Variants in USB1 observed in about 807,000 individuals in gnomAD.
The protein encoded by USB1 is U6 snRNA phosphodiesterase 1.
A neutral mutation model predicts 29.9 loss-of-function variants in USB1; 21 were observed. The ratio of observed to expected loss-of-function variants is 0.70; its 90% CI spans 0.50 to 1.01. The LOEUF (loss-of-function observed/expected upper bound fraction) is 1.01, where lower values mean the gene tolerates loss of function less well. Among genes scored for constraint, USB1 ranks in the 50% least tolerant of loss-of-function variants. USB1 has a pLI of 0.00. For synonymous variants in USB1, 143 were observed against 134.9 expected (o/e 1.06, Z -0.42); for missense variants, 330 against 347.1 (o/e 0.95, Z 0.39).
chr16:58,000,554 G>T (rs1009915195), upstream of USB1: 1 of 150,246 alleles, frequency 6.7e-6, no homozygotes. The surrounding 1 kb of genome is among the most constrained non-coding windows in gnomAD (Gnocchi z 4.5). Context: ...ACCGGGGGCG[G>T]GGGACGGGCT....
In USB1 at chr16:58,014,330, G is replaced by A; in HGVS notation, c.503+4G>A. On this transcript the variant is annotated splice_donor_region_variant and intron_variant, in intron 4 of 6. Transcript: ENST00000219281. ...ACACCAATCAAGAGAAAACCAGGTG[G>A]GTCCTCCCAACCCCCAATCACCATC... The A allele has an allele frequency of 1.9e-6, 3 of 1,612,552 alleles. No individual in the cohort carries two copies. The highest frequency in any genetic ancestry group is 2.5e-6 in the Non-Finnish European group (3 of 1,178,752).
chr16:58,019,897 G>C (rs1403236009), intron 6 of USB1, among the ~76,000 whole-genome samples: 1 of 152,106 alleles, frequency 6.6e-6, no homozygotes, highest in African/African-American at 2.4e-5. Context: ...TCCCAGGCCT[G>C]GTTTTATTGG....
Position 58,001,562 on chromosome 16 carries a change from G to A in USB1, c.79G>A (p.Gly27Arg), listed in dbSNP as rs1388664778. ...ESEDGMRTRP[G>R]DGSHRRGQSP... Reference sequence around the variant, plus strand: ...CGAGGACGGGATGCGGACCAGGCCGGGGGATGGGAGCCACCGTCGGTGAGG... The same window carrying A: ...CGAGGACGGGATGCGGACCAGGCCGAGGGATGGGAGCCACCGTCGGTGAGG... Residue 27 changes from glycine to arginine, a missense_variant, in exon 1 of 7, where the codon GGG becomes AGG. Coordinates refer to ENST00000219281, the MANE Select transcript of USB1 (RefSeq NM_024598.4). The A allele has an allele frequency of 3.1e-6, 5 of 1,608,694 alleles. No homozygotes were observed. Among genetic ancestry groups the A allele is most frequent in the Non-Finnish European group, 4.2e-6 (5 of 1,178,100 alleles).
rs1323454139 is a variant in USB1 at position 58,001,425 on chromosome 16, C to T, written c.-59C>T. 5.8e-6 allele frequency: 9 copies of T among 1,548,296 alleles called. 1 individual carries two copies. In the South Asian group the frequency reaches 1.1e-4, roughly 18 times the overall value. ...GGAGGGCGCTTCCGGCACAGCGGAA[C>T]TCCGGGTGCCGGTTGAGGTTGCTGG... On this transcript the variant is annotated 5_prime_UTR_variant, in exon 1 of 7. Transcript: ENST00000219281.
At position 58,019,028 on chromosome 16, in the gene USB1, G is replaced by A; in HGVS notation, c.666G>A (p.Leu222=). ...AWCVGDARLQ[L]EGQCLQELQA... ...GTGTGGGTGATGCACGTCTCCAGCTGGAGGGGCAGTGCCTGCAGGAACTAC... is the reference window on the plus strand; with the variant it reads ...GTGTGGGTGATGCACGTCTCCAGCTAGAGGGGCAGTGCCTGCAGGAACTAC... Residue 222 remains leucine, a synonymous_variant, in exon 6 of 7, where the codon CTG becomes CTA. Coordinates refer to ENST00000219281, the MANE Select transcript of USB1 (RefSeq NM_024598.4). 1 of 1,614,198 alleles carries A rather than the reference G, an allele frequency of 6.2e-7. No individual in the cohort carries two copies. Among genetic ancestry groups the A allele is most frequent in the Non-Finnish European group, 8.5e-7 (1 of 1,180,034 alleles).
rs374559185 is a variant in USB1, at chr16:58,002,612, C to A, written c.232C>A (p.Arg78=). ...GGRVRTFPHE[R]GNWATHVYVP... is the part of the protein sequence containing the mutation. The stretch of plus-strand genomic sequence containing the variant: ...ACGGGTGCGCACCTTCCCCCACGAG[C>A]GAGGCAACTGGGCCACCCACGTCTA... Residue 78 remains arginine, a synonymous_variant, in exon 2 of 7, where the codon CGA becomes AGA. Coordinates refer to ENST00000219281, the MANE Select transcript of USB1 (RefSeq NM_024598.4). 1.2e-6 allele frequency: 2 copies of A among 1,613,798 alleles called. No individual in the cohort carries two copies. Among genetic ancestry groups the A allele is most frequent in the Non-Finnish European group, 1.7e-6 (2 of 1,180,018 alleles).
In USB1 at chr16:58,001,456, C is replaced by A; in HGVS notation, c.-28C>A. The A allele has an allele frequency of 6.3e-7, 1 of 1,579,148 alleles. No homozygotes were observed. On this transcript the variant is annotated 5_prime_UTR_variant, in exon 1 of 7. It adds an upstream start codon to the 5' untranslated region. Coordinates refer to ENST00000219281, the MANE Select transcript of USB1 (RefSeq NM_024598.4). The stretch of plus-strand genomic sequence containing the variant: ...GTGCCGGTTGAGGTTGCTGGTGGAC[C>A]TGCTCTGGTGGTCTTGGATGAGGCC...
In USB1 at chr16:58,013,259, A is replaced by C. The variant is rs1963539613; in HGVS notation, c.450-1014A>C. ...GGTTGGGCACAGACATCCAGTGTCCACTCCAGGATGTTTGGGAGACACCTT... is the reference window on the plus strand; with the variant it reads ...GGTTGGGCACAGACATCCAGTGTCCCCTCCAGGATGTTTGGGAGACACCTT... On this transcript the variant is annotated intron_variant, in intron 3 of 6. Transcript: ENST00000219281. This position sits in a 1 kb window ranked among gnomAD's most constrained non-coding sequence, Gnocchi z 4.3. The C allele has an allele frequency of 3.0e-6, 3 of 985,184 alleles. No individual in the cohort carries two copies. The highest frequency in any genetic ancestry group is 9.4e-5 in the South Asian group (2 of 21,278). The allele number at this position is 985,184 out of a possible 1,614,324, so 61.0% of individuals were successfully genotyped here.
intron 4 of USB1, among the ~76,000 whole-genome samples, chr16:58,014,568 AG>A (rs1188661411): frequency 6.6e-6 from 1 of 152,224 alleles, no homozygotes; most frequent in African/African-American, 2.4e-5. Flanking sequence ...GGATAGCTTG[AG>A]CTCAGGAGTT....
rs58782258 is a variant in USB1, at chr16:58,020,561, C to CCTCT, written c.*319_*322dup. The CCTCT allele has an allele frequency of 0.95, 335,436 of 351,802 alleles. 159,987 individuals are homozygous for CCTCT. Among genetic ancestry groups the CCTCT allele is most frequent in the East Asian group, 0.98 (14,696 of 15,012 alleles). 21.8% of individuals were successfully genotyped at this position (351,802 alleles called of 1,614,324 possible). ...CTTCCCCTCCTGTCTCTCCTCCCCT[C>CCTCT]CTCTCTTCCTCTCCTCTCTCTTCCT... On this transcript the variant is annotated 3_prime_UTR_variant, in exon 7 of 7. Transcript: ENST00000219281.
At chr16:58,005,126 T>C (rs996126635) in intron 2 of USB1, among the ~76,000 whole-genome samples, 3 of 152,194 alleles carry the variant, frequency 2.0e-5, no homozygotes, top group Non-Finnish European at 1.5e-5. Flanking sequence ...ATTTTGCTAC[T>C]GCTAGCTAAA....
intron 2 of USB1, among the ~76,000 whole-genome samples, chr16:58,003,203 T>G (rs1156847177): frequency 6.6e-6 from 1 of 152,180 alleles, no homozygotes; most frequent in African/African-American, 2.4e-5. Flanking sequence ...GGCAGGCAGA[T>G]CACTTGAGCC....
chr16:58,020,345 G>C lies in USB1; in HGVS notation c.*100G>C. 62 of 1,180,008 alleles carry C rather than the reference G, an allele frequency of 5.3e-5. No individual in the cohort carries two copies. The highest frequency in any genetic ancestry group is 1.9e-5 in the Admixed American group (1 of 51,640). The allele number at this position is 1,180,008 out of a possible 1,614,324, so 73.1% of individuals were successfully genotyped here. A position where few individuals can be genotyped will look rare whatever the true frequency, so the allele number is the denominator to read the frequency against. ...GATGCTTCTAGCCTCCCAGTAGGAG[G>C]CCCCAGCCATGCCTTCAACCTGGCA... On this transcript the variant is annotated 3_prime_UTR_variant, in exon 7 of 7. Coordinates refer to ENST00000219281, the MANE Select transcript of USB1 (RefSeq NM_024598.4).
chr16:58,001,250 C>A, upstream of USB1: 1 of 611,106 alleles, frequency 1.6e-6, no homozygotes, highest in Non-Finnish European at 2.9e-6. Flanking sequence ...GAGGTCCCAG[C>A]GGGGTGCCGG....
chr16:58,003,858 A>G (rs1054307289), intron 2 of USB1, among the ~76,000 whole-genome samples: 14 of 152,222 alleles, frequency 9.2e-5, no homozygotes, highest in East Asian at 1.9e-4. Flanking sequence ...TTTATCAGAT[A>G]CGTCTTTTGC....
rs1164690750 is a variant in USB1 at position 58,013,732 on chromosome 16, T to G, written c.450-541T>G. 1.7e-6 allele frequency: 1 copy of G among 591,730 alleles called. No homozygotes were observed. Among genetic ancestry groups the G allele is most frequent in the African/African-American group, 2.0e-5 (1 of 49,378 alleles). 36.7% of individuals were successfully genotyped at this position (591,730 alleles called of 1,614,324 possible). A position where few individuals can be genotyped will look rare whatever the true frequency, so the allele number is the denominator to read the frequency against. ...CTGTTCCAATCCTGGCTCACCAAATTCAGCTTCACCATGCCTCTGTTTCTT... is the reference window on the plus strand; with the variant it reads ...CTGTTCCAATCCTGGCTCACCAAATGCAGCTTCACCATGCCTCTGTTTCTT... On this transcript the variant is annotated intron_variant, in intron 3 of 6. Coordinates refer to ENST00000219281, the MANE Select transcript of USB1 (RefSeq NM_024598.4). The surrounding 1 kb of genome is among the most constrained non-coding windows in gnomAD (Gnocchi z 4.3).
chr16:58,004,761 C>G (rs1331329212), intron 2 of USB1, among the ~76,000 whole-genome samples: 1 of 152,112 alleles, frequency 6.6e-6, no homozygotes, highest in African/African-American at 2.4e-5. Context: ...GGGTCCAGCC[C>G]CACTGGGTCG....
chr16:58,006,674 A>T (rs945759048), intron 2 of USB1, among the ~76,000 whole-genome samples: 2 of 152,128 alleles, frequency 1.3e-5, no homozygotes, highest in African/African-American at 4.8e-5. Context: ...AAAAAAAAAG[A>T]AAAACAGGCT....
At chr16:58,010,188 A>G in intron 3 of USB1, 76 bp downstream of exon 3, 1 of 1,575,122 alleles carries the variant, frequency 6.3e-7, no homozygotes, top group Admixed American at 1.7e-5. Context: ...TACTGCGGGC[A>G]TTACCCCAGC....
Sources: gnomAD v4.1 joint callset for allele counts (sites outside exome capture counted in the v4.1 genomes callset) on GRCh38, gnomAD v4.1.1 for gene constraint, Gnocchi (gnomAD v3.1) non-coding constraint, MANE v1.5 for transcripts, NCBI Gene and HGNC (gene_info 2026-07-23, HGNC 2026-07-21) for gene names.